The following GUCY1A2 variants were observed in gnomAD, a reference collection of about 807,000 sequenced individuals.
GUCY1A2 encodes the protein guanylate cyclase 1 soluble subunit alpha 2.
In GUCY1A2, 27 loss-of-function variants were observed where a neutral mutation model predicts 63.5. That is an observed-to-expected ratio of 0.43 (90% CI 0.31 to 0.59). GUCY1A2 has a LOEUF of 0.59. GUCY1A2 is among the 20% of genes least tolerant of loss of function. GUCY1A2 has a pLI of 0.11. For missense variants in GUCY1A2, 768 were observed against 913.3 expected, an observed-to-expected ratio of 0.84 and a Z score of 2.05; for synonymous variants, 364 against 343.5, an observed-to-expected ratio of 1.06 and a Z score of -0.66.
chr11:106,856,552 G>A (rs1475638522), intron 4 of GUCY1A2, among the ~76,000 whole-genome samples: 1 of 152,094 alleles, frequency 6.6e-6, no homozygotes, highest in Non-Finnish European at 1.5e-5. Context: ...GTGAAACTAT[G>A]TTAAATATTT....
intron 4 of GUCY1A2, among the ~76,000 whole-genome samples, chr11:106,900,117 A>G (rs1446393386): frequency 6.6e-6 from 1 of 151,860 alleles, no homozygotes; most frequent in African/African-American, 2.4e-5. Flanking sequence ...TCTATAATAT[A>G]TGTAGCCAAT....
At chr11:106,936,441 A>G (rs940242006) in intron 4 of GUCY1A2, among the ~76,000 whole-genome samples, 1 of 152,222 alleles carries the variant, frequency 6.6e-6, no homozygotes, top group Non-Finnish European at 1.5e-5. Flanking sequence ...ATTCATACTT[A>G]ATGTTTGACA....
rs568139219 is a variant in GUCY1A2 at position 107,015,561 on chromosome 11, C to CAAAAAAAA, written c.303+2184_303+2191dup. ...TTAGAAATCTGTAAATTCTCTTAGG[C>CAAAAAAAA]AAAAAAAAAAAAAAAAAAAAAAAAA... On this transcript the variant is annotated intron_variant, in intron 1 of 7. Transcript: ENST00000526355. Among the ~76,000 whole-genome samples, 26 of 27,508 alleles carry CAAAAAAAA rather than the reference C, an allele frequency of 9.5e-4. 7 individuals carry two copies. The highest frequency in any genetic ancestry group is 2.7e-3 in the African/African-American group (24 of 8,754). The allele number at this position is 27,508 out of a possible 152,430, so 18.0% of individuals were successfully genotyped here. A position where few individuals can be genotyped will look rare whatever the true frequency, so the allele number is the denominator to read the frequency against.
At chr11:106,763,161 G>A (rs1165783647) in intron 6 of GUCY1A2, among the ~76,000 whole-genome samples, 1 of 152,044 alleles carries the variant, frequency 6.6e-6, no homozygotes, top group Admixed American at 6.6e-5. Context: ...ATATAAAACT[G>A]TAAGATTAAA....
At chr11:106,708,368 A>G (rs74722653) in intron 7 of GUCY1A2, 144 bp downstream of exon 7, 5,994 of 558,880 alleles carry the variant, frequency 0.011, 287 homozygotes, top group African/African-American at 0.1. Context: ...CACAATTACT[A>G]TCTATCTTTT....
chr11:106,733,880 T>G (rs1863545095), intron 6 of GUCY1A2, among the ~76,000 whole-genome samples: 1 of 152,080 alleles, frequency 6.6e-6, no homozygotes, highest in African/African-American at 2.4e-5. Context: ...TTATCAGTCC[T>G]CTCTTGAAAA....
At chr11:106,911,315 C>T (rs765831627) in intron 4 of GUCY1A2, among the ~76,000 whole-genome samples, 2 of 151,978 alleles carry the variant, frequency 1.3e-5, no homozygotes, top group Admixed American at 6.6e-5. Flanking sequence ...TCCAGGAACA[C>T]GGAAAACAAA....
chr11:106,686,277 T>C lies in GUCY1A2; in HGVS notation c.*1272A>G. 9.1e-6 allele frequency: 2 copies of C among 219,382 alleles called. No individual in the cohort carries two copies. The highest frequency in any genetic ancestry group is 6.7e-5 in the East Asian group (1 of 14,930). 13.6% of individuals were successfully genotyped at this position (219,382 alleles called of 1,614,324 possible). A position where few individuals can be genotyped will look rare whatever the true frequency, so the allele number is the denominator to read the frequency against. On this transcript the variant is annotated 3_prime_UTR_variant, in exon 8 of 8. Coordinates refer to ENST00000526355, the MANE Select transcript of GUCY1A2 (RefSeq NM_000855.3). ...CATTTGAGCAGGACATGCGATGGAA[T>C]CCTATCTGTAACTATAATGATTACT... is the stretch of plus-strand genomic sequence containing the variant.
intron 1 of GUCY1A2, among the ~76,000 whole-genome samples, chr11:106,998,091 A>T (rs1180223958): frequency 6.6e-6 from 1 of 152,200 alleles, no homozygotes; most frequent in Non-Finnish European, 1.5e-5. Context: ...TACTCTAAAA[A>T]CTAATCAAAA....
At position 106,716,634 on chromosome 11, in the gene GUCY1A2, T is replaced by A. The variant is rs896455954; in HGVS notation, c.1837-7968A>T. ...TAGCAAAAAAATTAGCTGAGCGTGG[T>A]GGAGGACACCTGTAGTCCCAGCTAC... On this transcript the variant is annotated intron_variant, in intron 6 of 7. Coordinates refer to ENST00000526355, the MANE Select transcript of GUCY1A2 (RefSeq NM_000855.3). Among the ~76,000 whole-genome samples the A allele has an allele frequency of 1.9e-4, 29 of 151,594 alleles. 1 individual carries two copies. The highest frequency in any genetic ancestry group is 2.9e-5 in the Non-Finnish European group (2 of 67,890).
At chr11:106,837,229 C>A (rs1034460034) in intron 4 of GUCY1A2, among the ~76,000 whole-genome samples, 10 of 151,838 alleles carry the variant, frequency 6.6e-5, no homozygotes, top group African/African-American at 2.4e-4. Context: ...CTTGCACTTA[C>A]AAGTAACAAC....
chr11:106,683,813 T>C lies in GUCY1A2; in HGVS notation c.*3736A>G. ...GGACCCAAGGAGCCTTCAACAAATATATTTAATTATGGTCATAATTTTGAG... is the reference window on the plus strand; with the variant it reads ...GGACCCAAGGAGCCTTCAACAAATACATTTAATTATGGTCATAATTTTGAG... On this transcript the variant is annotated 3_prime_UTR_variant, in exon 8 of 8. Coordinates refer to ENST00000526355, the MANE Select transcript of GUCY1A2 (RefSeq NM_000855.3). 1 of 213,098 alleles carries C rather than the reference T, an allele frequency of 4.7e-6. No homozygotes were observed. The highest frequency in any genetic ancestry group is 9.5e-6 in the Non-Finnish European group (1 of 105,250). 13.2% of individuals were successfully genotyped at this position (213,098 alleles called of 1,614,324 possible). A position where few individuals can be genotyped will look rare whatever the true frequency, so the allele number is the denominator to read the frequency against.
At chr11:106,943,464 G>T (rs904576731) in intron 3 of GUCY1A2, among the ~76,000 whole-genome samples, 1 of 152,156 alleles carries the variant, frequency 6.6e-6, no homozygotes, top group Non-Finnish European at 1.5e-5. Context: ...CTTTAAAAAG[G>T]TGAATAGCAT....
chr11:106,909,296 G>A (rs999449457), intron 4 of GUCY1A2, among the ~76,000 whole-genome samples: 1 of 148,510 alleles, frequency 6.7e-6, no homozygotes, highest in African/African-American at 2.5e-5. Context: ...TACAACATTG[G>A]AAACAATATT....
intron 4 of GUCY1A2, among the ~76,000 whole-genome samples, chr11:106,919,671 T>TAA (rs1348090344): frequency 6.6e-6 from 1 of 152,028 alleles, no homozygotes; most frequent in Non-Finnish European, 1.5e-5. Context: ...TTAGTGATGC[T>TAA]AAAAAGAGGT....
In GUCY1A2 at chr11:106,718,127, C is replaced by A. The variant is rs145067062; in HGVS notation, c.1837-9461G>T. Among the ~76,000 whole-genome samples, 1,003 of 152,182 alleles carry A rather than the reference C, an allele frequency of 6.6e-3. 12 individuals carry two copies. The highest frequency in any genetic ancestry group is 0.022 in the African/African-American group (909 of 41,510). ...ACACTAAGACAAACAGCACTTTGGG[C>A]AAAATATCTTACTGTATTTACTGTC... is the stretch of plus-strand genomic sequence containing the variant. On this transcript the variant is annotated intron_variant, in intron 6 of 7. Transcript: ENST00000526355.
intron 3 of GUCY1A2, among the ~76,000 whole-genome samples, chr11:106,947,116 C>T (rs556725664): frequency 6.6e-6 from 1 of 151,624 alleles, no homozygotes; most frequent in Non-Finnish European, 1.5e-5. Context: ...ACTCATGAGG[C>T]TGAGGCAGGA....
At chr11:106,745,158 A>ATAAG (rs1377578290) in intron 6 of GUCY1A2, among the ~76,000 whole-genome samples, 1 of 152,200 alleles carries the variant, frequency 6.6e-6, no homozygotes, top group East Asian at 1.9e-4. Context: ...AATATTCACA[A>ATAAG]TAAGTGCAAC....
chr11:106,783,686 G>A (rs970988880), intron 5 of GUCY1A2, among the ~76,000 whole-genome samples: 3 of 152,110 alleles, frequency 2.0e-5, no homozygotes, highest in African/African-American at 7.2e-5. Context: ...ACCCCATATT[G>A]TTTAATGATT....
Sources: allele counts gnomAD v4.1 joint callset (sites outside exome capture counted in the v4.1 genomes callset), GRCh38; gene constraint gnomAD v4.1.1; transcripts MANE v1.5; gene names NCBI Gene and HGNC (gene_info 2026-07-23, HGNC 2026-07-21).